The following KCNS3 variants were observed in gnomAD, a reference collection of about 807,000 sequenced individuals.
KCNS3 encodes the protein potassium voltage-gated channel modifier subfamily S member 3.
In KCNS3, 13 loss-of-function variants were observed where a neutral mutation model predicts 31.0. The observed-to-expected ratio is 0.42, with a 90% CI of 0.27 to 0.67. KCNS3 has a LOEUF of 0.67. Ranked by LOEUF, KCNS3 falls within the 30% of genes least tolerant of loss-of-function variation. The pLI is 0.25. For synonymous variants in KCNS3, 238 were observed against 241.5 expected, an observed-to-expected ratio of 0.99 and a Z score of 0.13; for missense variants, 545 against 622.4, an observed-to-expected ratio of 0.88 and a Z score of 1.32.
intron 2 of KCNS3, among the ~76,000 whole-genome samples, chr2:17,925,608 G>A (rs896889655): frequency 1.3e-5 from 2 of 152,174 alleles, no homozygotes; most frequent in African/African-American, 4.8e-5. Context: ...GCAAGAGAGA[G>A]TGGCGAGAGA....
chr2:17,913,111 A>G (rs1251210006), intron 1 of KCNS3, among the ~76,000 whole-genome samples: 2 of 131,968 alleles, frequency 1.5e-5, no homozygotes, highest in African/African-American at 2.8e-5. Context: ...TTATGGCAGT[A>G]TGATTATGAT....
intron 1 of KCNS3, among the ~76,000 whole-genome samples, chr2:17,898,859 G>C (rs1462334644): frequency 6.6e-6 from 1 of 152,110 alleles, no homozygotes; most frequent in Non-Finnish European, 1.5e-5. Flanking sequence ...TCAAATAGGT[G>C]GCAGCATTTC....
At chr2:17,926,730 C>G (rs932713085) in intron 2 of KCNS3, among the ~76,000 whole-genome samples, 3 of 152,246 alleles carry the variant, frequency 2.0e-5, no homozygotes, top group Admixed American at 6.5e-5. Context: ...GGCCCTAGGC[C>G]TAGCCCATAA....
At chr2:17,903,588 C>G (rs932001132) in intron 1 of KCNS3, among the ~76,000 whole-genome samples, 4 of 152,018 alleles carry the variant, frequency 2.6e-5, no homozygotes, top group Admixed American at 2.0e-4. Flanking sequence ...GGTATATCTC[C>G]TAATGCTTTC....
chr2:17,899,879 T>C (rs989460340), intron 1 of KCNS3, among the ~76,000 whole-genome samples: 1 of 152,212 alleles, frequency 6.6e-6, no homozygotes, highest in African/African-American at 2.4e-5. Context: ...ATATAAGTAA[T>C]TGGTATTGTT....
intron 2 of KCNS3, among the ~76,000 whole-genome samples, chr2:17,926,187 T>C (rs1462538668): frequency 6.6e-6 from 1 of 152,242 alleles, no homozygotes; most frequent in African/African-American, 2.4e-5. Flanking sequence ...GTCACAGTGA[T>C]GCAAGAAGTG....
At chr2:17,930,126 A>G (rs953033209) in intron 2 of KCNS3, among the ~76,000 whole-genome samples, 9 of 152,182 alleles carry the variant, frequency 5.9e-5, no homozygotes, top group Non-Finnish European at 1.2e-4. Context: ...TAGACAATCT[A>G]TGGAAAGATA....
intron 1 of KCNS3, among the ~76,000 whole-genome samples, chr2:17,883,333 T>C (rs1446971940): frequency 7.6e-6 from 1 of 132,196 alleles, no homozygotes; most frequent in Non-Finnish European, 1.5e-5. Context: ...TTTGAGTACT[T>C]ACATGATGTT....
intron 1 of KCNS3, among the ~76,000 whole-genome samples, chr2:17,906,308 C>A (rs2125242922): frequency 6.6e-6 from 1 of 152,196 alleles, no homozygotes; most frequent in African/African-American, 2.4e-5. Context: ...GTGGTGATAT[C>A]CCCTTTGTCA....
chr2:17,897,309 G>C (rs77138612), intron 1 of KCNS3, among the ~76,000 whole-genome samples: 1 of 152,206 alleles, frequency 6.6e-6, no homozygotes, highest in Non-Finnish European at 1.5e-5. Flanking sequence ...TGGGCAACTA[G>C]GTTGATTCCA....
chr2:17,930,660 A>G (rs902774186), intron 2 of KCNS3, among the ~76,000 whole-genome samples: 10 of 152,232 alleles, frequency 6.6e-5, no homozygotes, highest in African/African-American at 2.4e-4. Flanking sequence ...TGGGAGGTAC[A>G]GTTTGAATGC....
intron 2 of KCNS3, among the ~76,000 whole-genome samples, chr2:17,930,175 G>T (rs1229496236): frequency 1.3e-5 from 2 of 152,194 alleles, no homozygotes; most frequent in African/African-American, 4.8e-5. Flanking sequence ...TCTGTGATGG[G>T]AAGGAGGAGG....
chr2:17,894,196 GT>G (rs1661932865), intron 1 of KCNS3, among the ~76,000 whole-genome samples: 1 of 151,978 alleles, frequency 6.6e-6, no homozygotes, highest in Non-Finnish European at 1.5e-5. Flanking sequence ...CTAGGATTAG[GT>G]TTCAGACTGC....
intron 1 of KCNS3, among the ~76,000 whole-genome samples, chr2:17,897,093 T>A (rs571020764): frequency 1.3e-5 from 2 of 152,238 alleles, no homozygotes; most frequent in Non-Finnish European, 2.9e-5. Flanking sequence ...CATCTTTATG[T>A]CCATCTTTAC....
chr2:17,893,939 A>ATTTTTTTT (rs1661919540), intron 1 of KCNS3, among the ~76,000 whole-genome samples: 1 of 84,604 alleles, frequency 1.2e-5, no homozygotes, highest in African/African-American at 5.3e-5. Flanking sequence ...CCCAGGAGCC[A>ATTTTTTTT]GTTTTTTTTT....
intron 1 of KCNS3, among the ~76,000 whole-genome samples, chr2:17,894,629 C>T (rs1328977974): frequency 6.6e-6 from 1 of 152,216 alleles, no homozygotes; most frequent in Admixed American, 6.5e-5. Context: ...GAGAAAGCCA[C>T]GTTTTACTCC....
At chr2:17,896,846 A>C (rs532823929) in intron 1 of KCNS3, among the ~76,000 whole-genome samples, 2 of 151,750 alleles carry the variant, frequency 1.3e-5, no homozygotes, top group Non-Finnish European at 2.9e-5. Flanking sequence ...CTCTGAAGAG[A>C]TCTCTTCCTC....
chr2:17,921,211 G>A (rs1429579121), intron 2 of KCNS3, among the ~76,000 whole-genome samples: 1 of 152,130 alleles, frequency 6.6e-6, no homozygotes, highest in Non-Finnish European at 1.5e-5. Context: ...TTTTAATGGA[G>A]AATTTTAACA....
At chr2:17,898,955 C>T (rs777529319) in intron 1 of KCNS3, among the ~76,000 whole-genome samples, 4 of 152,114 alleles carry the variant, frequency 2.6e-5, no homozygotes, top group East Asian at 1.9e-4. Flanking sequence ...AGACTGGGTG[C>T]GGTGGCTGAG....
Sources: gnomAD v4.1 joint callset for allele counts (sites outside exome capture counted in the v4.1 genomes callset) on GRCh38, gnomAD v4.1.1 for gene constraint, MANE v1.5 for transcripts, NCBI Gene and HGNC (gene_info 2026-07-23, HGNC 2026-07-21) for gene names.